CHSY3: variants seen among roughly 807,000 people sequenced by gnomAD.
CHSY3 encodes the protein N-acetylgalactosaminyl-proteoglycan 3-beta-glucuronosyltransferase 3.
Under a neutral mutation model 67.2 loss-of-function variants are expected in CHSY3, and 35 were observed. The observed-to-expected ratio is 0.52, with a 90% CI of 0.40 to 0.69. The LOEUF is 0.69. CHSY3 is among the 30% of genes least tolerant of loss of function. The probability of loss-of-function intolerance (pLI) is 0.00; values close to 1 mark genes in which losing one functional copy is unlikely to be tolerated. For synonymous variants in CHSY3, 474 were observed against 434.7 expected (o/e 1.09, Z -1.12); for missense variants, 1,069 against 1,138.5 (o/e 0.94, Z 0.88).
chr5:130,033,210 T>C (rs148631302), intron 2 of CHSY3, among the ~76,000 whole-genome samples: 33 of 152,334 alleles, frequency 2.2e-4, no homozygotes, highest in Non-Finnish European at 4.1e-4. Context: ...TGTGTACTTT[T>C]AGTCATCAAT....
At chr5:130,020,422 A>AAAAAAAAAAAAAAAATATATAT (rs1764335450) in intron 2 of CHSY3, among the ~76,000 whole-genome samples, 1 of 33,356 alleles carries the variant, frequency 3.0e-5, no homozygotes, top group African/African-American at 9.1e-5. Flanking sequence ...TTCATCTCAA[A>AAAAAAAAAAAAAAAATATATAT]ATATATATAT....
intron 2 of CHSY3, among the ~76,000 whole-genome samples, chr5:130,175,340 C>T (rs889216922): frequency 6.6e-6 from 1 of 152,156 alleles, no homozygotes; most frequent in Non-Finnish European, 1.5e-5. Flanking sequence ...CAAACCACTG[C>T]TCAAGGAAAT....
At position 129,997,091 on chromosome 5, in the gene CHSY3, G is replaced by A. The variant is rs567624581; in HGVS notation, c.1086+88731G>A. 2.7e-5 allele frequency among the ~76,000 whole-genome samples: 4 copies of A among 149,386 alleles called. No homozygotes were observed. In the East Asian group the frequency reaches 8.0e-4, roughly 30 times the overall value. On this transcript the variant is annotated intron_variant, in intron 2 of 2. Coordinates refer to ENST00000305031, the MANE Select transcript of CHSY3 (RefSeq NM_175856.5). ...ACTTCTGATGATGAAGTCTACCAAA[G>A]TGCATATTTCTCAGATGATTCAAAG...
At chr5:130,086,342 T>G (rs992989323) in intron 2 of CHSY3, among the ~76,000 whole-genome samples, 3 of 152,078 alleles carry the variant, frequency 2.0e-5, no homozygotes, top group African/African-American at 7.2e-5. Context: ...TCTTGTTGAA[T>G]TGATCCCTTT....
At chr5:130,081,623 T>C (rs1029113726) in intron 2 of CHSY3, among the ~76,000 whole-genome samples, 1 of 152,004 alleles carries the variant, frequency 6.6e-6, no homozygotes, top group African/African-American at 2.4e-5. Flanking sequence ...AATTGAATCA[T>C]GGGGGCAGGT....
intron 2 of CHSY3, among the ~76,000 whole-genome samples, chr5:130,001,176 G>C (rs1165006552): frequency 6.6e-6 from 1 of 152,020 alleles, no homozygotes; most frequent in Non-Finnish European, 1.5e-5. Context: ...ACCACGCCTG[G>C]CCCTGCCTTC....
chr5:130,184,802 A>G lies in CHSY3; in HGVS notation c.1660A>G (p.Thr554Ala), dbSNP rs1490571374. The change falls in exon 3 of 3, where the codon ACT (threonine) becomes GCT (alanine). Residue 554 changes from threonine to alanine, a missense_variant. Physicochemically the swap from Thr to Ala is moderately conservative, Grantham distance 58. This residue lies in a region of CHSY3 where 401 missense variants were observed against 395.2 expected (regional missense o/e 1.01). Transcript: ENST00000305031. ...LYKRHKGRKL[T>A]VPVRRHAYLQ... is the part of the protein sequence containing the mutation. ...CAAAAGACACAAGGGAAGGAAACTGACTGTGCCAGTGAGACGTCATGCCTA... is the reference window on the plus strand; with the variant it reads ...CAAAAGACACAAGGGAAGGAAACTGGCTGTGCCAGTGAGACGTCATGCCTA... 3.1e-6 allele frequency: 5 copies of G among 1,609,396 alleles called. No homozygotes were observed. The highest frequency in any genetic ancestry group is 4.3e-6 in the Non-Finnish European group (5 of 1,175,814).
intron 2 of CHSY3, among the ~76,000 whole-genome samples, chr5:130,161,505 T>C (rs1237535043): frequency 1.3e-5 from 2 of 152,184 alleles, no homozygotes; most frequent in African/African-American, 4.8e-5. Flanking sequence ...GGAATTGCAT[T>C]CTATTTAAAA....
intron 2 of CHSY3, among the ~76,000 whole-genome samples, chr5:129,913,978 A>G (rs930137908): frequency 2.6e-5 from 4 of 152,236 alleles, no homozygotes; most frequent in South Asian, 4.1e-4. Flanking sequence ...TGAGCTTGTA[A>G]GTAATATCAG....
intron 2 of CHSY3, among the ~76,000 whole-genome samples, chr5:130,105,516 A>C (rs569671782): frequency 6.6e-6 from 1 of 151,722 alleles, no homozygotes; most frequent in Non-Finnish European, 1.5e-5. Context: ...TTCTCAGAAC[A>C]AAGTGGCATG....
intron 2 of CHSY3, among the ~76,000 whole-genome samples, chr5:130,159,031 T>G (rs1364078319): frequency 6.6e-6 from 1 of 152,030 alleles, no homozygotes; most frequent in African/African-American, 2.4e-5. Flanking sequence ...AACTGCTGAG[T>G]GCAAGCGATC....
At chr5:130,097,769 C>T (rs1767097846) in intron 2 of CHSY3, among the ~76,000 whole-genome samples, 1 of 152,074 alleles carries the variant, frequency 6.6e-6, no homozygotes, top group Non-Finnish European at 1.5e-5. Context: ...TTTGGGAGGC[C>T]GAGGCGGGCG....
At chr5:130,064,436 A>T (rs1434635678) in intron 2 of CHSY3, among the ~76,000 whole-genome samples, 2 of 152,142 alleles carry the variant, frequency 1.3e-5, no homozygotes, top group Admixed American at 1.3e-4. Context: ...TTAATTCTTC[A>T]CTGCCCATCC....
rs186557371 is a variant in CHSY3, at chr5:130,038,773, C to T, written c.1086+130413C>T. 2.7e-3 allele frequency among the ~76,000 whole-genome samples: 410 copies of T among 152,068 alleles called. 3 individuals carry two copies. In the Middle Eastern group the frequency reaches 0.048, roughly 18 times the overall value. Reference sequence around the variant, plus strand: ...GGAATGGTTTATCTGCACTGCACTACAAAATATGTGTATTTTTATTGTTAT... The same window carrying T: ...GGAATGGTTTATCTGCACTGCACTATAAAATATGTGTATTTTTATTGTTAT... On this transcript the variant is annotated intron_variant, in intron 2 of 2. Coordinates refer to ENST00000305031, the MANE Select transcript of CHSY3 (RefSeq NM_175856.5).
chr5:130,066,491 C>T (rs956333809), intron 2 of CHSY3, among the ~76,000 whole-genome samples: 2 of 152,000 alleles, frequency 1.3e-5, no homozygotes, highest in African/African-American at 4.8e-5. Context: ...TATATTGTTC[C>T]ATTCTCCAAA....
intron 2 of CHSY3, among the ~76,000 whole-genome samples, chr5:130,165,020 T>C (rs1769700536): frequency 6.6e-6 from 1 of 151,448 alleles, no homozygotes; most frequent in African/African-American, 2.4e-5. Flanking sequence ...GTATAGAGGG[T>C]GAAAGGTAGC....
intron 2 of CHSY3, among the ~76,000 whole-genome samples, chr5:129,938,723 T>C (rs2149593095): frequency 6.6e-6 from 1 of 152,308 alleles, no homozygotes; most frequent in South Asian, 2.1e-4. Context: ...TCCCAATGAG[T>C]TTCTCATCTC....
intron 2 of CHSY3, among the ~76,000 whole-genome samples, chr5:130,001,032 G>A (rs1189160499): frequency 1.3e-5 from 2 of 151,430 alleles, no homozygotes; most frequent in Admixed American, 1.3e-4. Context: ...CTGAGTGGTG[G>A]CACACGCCTG....
At chr5:130,046,536 A>G (rs1305167745) in intron 2 of CHSY3, among the ~76,000 whole-genome samples, 2 of 152,154 alleles carry the variant, frequency 1.3e-5, no homozygotes, top group Non-Finnish European at 2.9e-5. Flanking sequence ...GTACCTACAG[A>G]GACAGATTTA....
Sources: allele counts gnomAD v4.1 joint callset (sites outside exome capture counted in the v4.1 genomes callset), GRCh38; gene constraint gnomAD v4.1.1; regional missense constraint gnomAD v4.1.1; transcripts MANE v1.5; gene names NCBI Gene and HGNC (gene_info 2026-07-23, HGNC 2026-07-21).